Variants in PPARGC1A observed in about 807,000 individuals in gnomAD.
PPARGC1A encodes peroxisome proliferator-activated receptor gamma coactivator 1-alpha.
Under a neutral mutation model 88.7 loss-of-function variants are expected in PPARGC1A, and 25 were observed. That is an observed-to-expected ratio of 0.28 (90% confidence interval 0.21 to 0.39). The LOEUF is 0.39. Among genes scored for constraint, PPARGC1A ranks in the 10% least tolerant of loss-of-function variants. The probability of loss-of-function intolerance (pLI) is 1.00; values close to 1 mark genes in which losing one functional copy is unlikely to be tolerated. For synonymous variants in PPARGC1A, 363 were observed against 355.6 expected, an observed-to-expected ratio of 1.02 and a Z score of -0.24; for missense variants, 880 against 968.7, an observed-to-expected ratio of 0.91 and a Z score of 1.22.
At chr4:23,990,029 T>C in the PPARGC1A span, among the ~76,000 whole-genome samples, 1 of 146,978 alleles carries the variant, frequency 6.8e-6, no homozygotes, top group Non-Finnish European at 1.5e-5. Context: ...TAGATATGTA[T>C]ATCTATATAT....
chr4:24,430,161 A>G, the PPARGC1A span, among the ~76,000 whole-genome samples: 1 of 152,074 alleles, frequency 6.6e-6, no homozygotes, highest in Non-Finnish European at 1.5e-5. Context: ...ATCACAACCT[A>G]GCACATACAC....
chr4:23,846,720 A>C (rs1384714794), intron 2 of PPARGC1A, among the ~76,000 whole-genome samples: 2 of 152,150 alleles, frequency 1.3e-5, no homozygotes, highest in Admixed American at 6.6e-5. Context: ...AAAATAATTA[A>C]AAATTCCTGC....
chr4:24,281,377 A>G, the PPARGC1A span, among the ~76,000 whole-genome samples: 93,777 of 152,090 alleles, frequency 0.62, 30,725 homozygotes, highest in Non-Finnish European at 0.73. Flanking sequence ...ACAGTGGAAG[A>G]TGAAGAGGAG....
At chr4:24,133,576 GCCC>G in the PPARGC1A span, among the ~76,000 whole-genome samples, 5 of 152,144 alleles carry the variant, frequency 3.3e-5, no homozygotes, top group Non-Finnish European at 7.3e-5. Context: ...ATAATTCGGG[GCCC>G]AGAAAATACA....
the PPARGC1A span, among the ~76,000 whole-genome samples, chr4:24,149,556 G>C: frequency 6.6e-6 from 1 of 152,116 alleles, no homozygotes; most frequent in Non-Finnish European, 1.5e-5. Context: ...TGCCATTAAA[G>C]GCTTGGGTTT....
intron 1 of PPARGC1A, among the ~76,000 whole-genome samples, chr4:23,885,799 A>G (rs1358954712): frequency 2.0e-5 from 3 of 152,230 alleles, no homozygotes; most frequent in East Asian, 1.9e-4. Context: ...TGAATTCAAA[A>G]TAACTATTTT....
the PPARGC1A span, among the ~76,000 whole-genome samples, chr4:24,162,632 C>T: frequency 6.8e-6 from 1 of 146,898 alleles, no homozygotes; most frequent in African/African-American, 2.5e-5. Context: ...ATTCTTGTCA[C>T]CCAGGCTGGA....
At chr4:24,107,931 T>TCCCTGAAGATAGC in the PPARGC1A span, among the ~76,000 whole-genome samples, 1 of 152,160 alleles carries the variant, frequency 6.6e-6, no homozygotes, top group Non-Finnish European at 1.5e-5. Flanking sequence ...GTTTGCCAAG[T>TCCCTGAAGATAGC]AGATAGCCAC....
the PPARGC1A span, among the ~76,000 whole-genome samples, chr4:24,234,742 T>C: frequency 5.3e-5 from 8 of 152,184 alleles, no homozygotes; most frequent in Admixed American, 6.5e-5. Context: ...AAGTAATGTA[T>C]CCTGTTCATT....
At chr4:24,374,264 G>T in the PPARGC1A span, among the ~76,000 whole-genome samples, 1 of 152,124 alleles carries the variant, frequency 6.6e-6, no homozygotes, top group African/African-American at 2.4e-5. Flanking sequence ...TGCTGGTCTA[G>T]ACTCACTCAG....
chr4:24,260,606 T>C, the PPARGC1A span, among the ~76,000 whole-genome samples: 5 of 152,178 alleles, frequency 3.3e-5, no homozygotes, highest in Admixed American at 1.3e-4. Flanking sequence ...ACATAAGTTA[T>C]GGTGTTAATT....
At chr4:23,966,872 T>C in the PPARGC1A span, among the ~76,000 whole-genome samples, 1 of 152,174 alleles carries the variant, frequency 6.6e-6, no homozygotes, top group East Asian at 1.9e-4. Flanking sequence ...GGCTTCTGTC[T>C]GGGAATGGAG....
At chr4:24,024,321 A>C in the PPARGC1A span, among the ~76,000 whole-genome samples, 2 of 152,186 alleles carry the variant, frequency 1.3e-5, no homozygotes, top group Non-Finnish European at 2.9e-5. Flanking sequence ...CAAGTCACAC[A>C]GTGGGTGAAT....
chr4:24,387,942 A>AAGAT, the PPARGC1A span, among the ~76,000 whole-genome samples: 1 of 136,822 alleles, frequency 7.3e-6, no homozygotes, highest in African/African-American at 3.2e-5. Flanking sequence ...AAGAGAAAGA[A>AAGAT]AGAAAGAAAG....
the PPARGC1A span, among the ~76,000 whole-genome samples, chr4:24,145,432 A>G: frequency 6.6e-6 from 1 of 152,318 alleles, no homozygotes; most frequent in African/African-American, 2.4e-5. Context: ...CAATAGTTCA[A>G]ATCTCAGTGT....
At chr4:24,170,535 G>T in the PPARGC1A span, among the ~76,000 whole-genome samples, 3 of 152,184 alleles carry the variant, frequency 2.0e-5, no homozygotes, top group African/African-American at 7.2e-5. Context: ...TTGGTGAAAT[G>T]AAAGGTTGTG....
the PPARGC1A span, among the ~76,000 whole-genome samples, chr4:24,310,990 AAAGT>A: frequency 2.2e-4 from 34 of 152,228 alleles, no homozygotes; most frequent in African/African-American, 7.5e-4. Context: ...CTCACAAGGA[AAAGT>A]AAATACTACA....
At chr4:24,326,458 C>T in the PPARGC1A span, among the ~76,000 whole-genome samples, 1 of 152,180 alleles carries the variant, frequency 6.6e-6, no homozygotes, top group Admixed American at 6.5e-5. Context: ...TTCTGGATCT[C>T]AAACATGCTT....
chr4:24,471,846 G>A, the PPARGC1A span, among the ~76,000 whole-genome samples: 1 of 152,230 alleles, frequency 6.6e-6, no homozygotes, highest in Non-Finnish European at 1.5e-5. The surrounding 1 kb of genome is among the most constrained non-coding windows in gnomAD (Gnocchi z 5.4). Context: ...CCACCTCCGC[G>A]GGTCAGGGGA....
Sources: gnomAD v4.1 joint callset for allele counts (sites outside exome capture counted in the v4.1 genomes callset) on GRCh38, gnomAD v4.1.1 for gene constraint, Gnocchi (gnomAD v3.1) non-coding constraint, MANE v1.5 for transcripts, NCBI Gene and HGNC (gene_info 2026-07-23, HGNC 2026-07-21) for gene names.